The following MAN1A1 variants were observed in gnomAD, a reference collection of about 807,000 sequenced individuals.
The protein encoded by MAN1A1 is mannosyl-oligosaccharide 1,2-alpha-mannosidase IA.
A neutral mutation model predicts 70.8 loss-of-function variants in MAN1A1; 29 were observed. That is an observed-to-expected ratio of 0.41 (90% CI 0.31 to 0.56). The LOEUF is 0.56. Among genes scored for constraint, MAN1A1 ranks in the 20% least tolerant of loss-of-function variants. The pLI is 0.29. For synonymous variants in MAN1A1, 349 were observed against 330.1 expected (o/e 1.06, Z -0.62); for missense variants, 747 against 841.3 (o/e 0.89, Z 1.39).
intron 2 of MAN1A1, among the ~76,000 whole-genome samples, chr6:119,308,544 C>T (rs556832162): frequency 1.1e-4 from 16 of 152,178 alleles, no homozygotes; most frequent in Admixed American, 7.2e-4. Context: ...TTACAGGATG[C>T]ATGTAAGGAA....
chr6:119,268,853 T>C (rs538820444), intron 5 of MAN1A1, among the ~76,000 whole-genome samples: 58 of 152,276 alleles, frequency 3.8e-4, no homozygotes, highest in Admixed American at 3.6e-3. Context: ...AGTGCTCGGA[T>C]TACAGGTGTA....
chr6:119,347,482 G>A (rs1773761650), intron 2 of MAN1A1, among the ~76,000 whole-genome samples: 1 of 152,198 alleles, frequency 6.6e-6, no homozygotes, highest in Non-Finnish European at 1.5e-5. Flanking sequence ...GGTTCCTACA[G>A]CTTTTCTATG....
intron 2 of MAN1A1, among the ~76,000 whole-genome samples, chr6:119,332,875 G>C (rs527378725): frequency 6.4e-4 from 98 of 152,050 alleles, no homozygotes; most frequent in Middle Eastern, 3.4e-3. Context: ...TATCTAACTT[G>C]GGGACTTGGT....
rs960447131 is a variant in MAN1A1, at chr6:119,188,274, T to C, written c.1719+131A>G. 7 of 803,722 alleles carry C rather than the reference T, an allele frequency of 8.7e-6. No individual in the cohort carries two copies. The African/African-American group carries it at 1.0e-4, about 12-fold the overall frequency. The allele number at this position is 803,722 out of a possible 1,614,324, so 49.8% of individuals were successfully genotyped here. A position where few individuals can be genotyped will look rare whatever the true frequency, so the allele number is the denominator to read the frequency against. On this transcript the variant is annotated intron_variant, in intron 11 of 12. Transcript: ENST00000368468. ...AAATGACTTCAATGAAAATACACAG[T>C]CCTGGGTGGAAAAAATCCTGGTCGA...
chr6:119,185,697 C>T (rs998231457), intron 11 of MAN1A1, among the ~76,000 whole-genome samples: 6 of 152,030 alleles, frequency 3.9e-5, no homozygotes, highest in Non-Finnish European at 7.4e-5. Flanking sequence ...CTGCCTCAGC[C>T]TCCTGAGTAG....
At chr6:119,277,936 C>CAAAA (rs58837799) in intron 5 of MAN1A1, among the ~76,000 whole-genome samples, 4,301 of 23,030 alleles carry the variant, frequency 0.19, 597 homozygotes, top group East Asian at 0.29. Context: ...GACTCCATCT[C>CAAAA]AAAAAAAAAA....
intron 11 of MAN1A1, among the ~76,000 whole-genome samples, chr6:119,181,251 G>A (rs558402241): frequency 6.6e-6 from 1 of 152,288 alleles, no homozygotes; most frequent in Admixed American, 6.5e-5. Flanking sequence ...AGTTTGGAGA[G>A]ACTGCTAATG....
At chr6:119,281,336 T>C (rs562804225) in intron 5 of MAN1A1, among the ~76,000 whole-genome samples, 4 of 152,358 alleles carry the variant, frequency 2.6e-5, no homozygotes, top group Admixed American at 6.5e-5. Flanking sequence ...CTACACAGTC[T>C]AACCCAAGTC....
chr6:119,199,594 C>G (rs1465544192), intron 8 of MAN1A1, among the ~76,000 whole-genome samples: 1 of 151,820 alleles, frequency 6.6e-6, no homozygotes, highest in Non-Finnish European at 1.5e-5. Flanking sequence ...AACCAGTATC[C>G]TTTTTTAAAA....
At chr6:119,235,399 CAGA>C (rs369725067) in intron 6 of MAN1A1, among the ~76,000 whole-genome samples, 25 of 152,294 alleles carry the variant, frequency 1.6e-4, no homozygotes, top group African/African-American at 6.0e-4. Flanking sequence ...GTGGTGTGGA[CAGA>C]AGATCACACC....
intron 6 of MAN1A1, among the ~76,000 whole-genome samples, chr6:119,241,928 G>A (rs1175642591): frequency 6.8e-6 from 1 of 147,258 alleles, no homozygotes; most frequent in African/African-American, 2.6e-5. Context: ...GTGTGTTTGT[G>A]TATGTGTGTG....
At chr6:119,254,551 T>C (rs996844289) in intron 5 of MAN1A1, among the ~76,000 whole-genome samples, 3 of 152,230 alleles carry the variant, frequency 2.0e-5, no homozygotes, top group African/African-American at 7.2e-5. Flanking sequence ...TGGTGTTTGT[T>C]GGTACCTCTA....
chr6:119,336,731 T>C (rs1409841013), intron 2 of MAN1A1, among the ~76,000 whole-genome samples: 3 of 152,260 alleles, frequency 2.0e-5, no homozygotes, highest in Non-Finnish European at 2.9e-5. Flanking sequence ...ATAGCTAACC[T>C]ATGACTTTTC....
At chr6:119,183,616 C>T (rs1426346632) in intron 11 of MAN1A1, among the ~76,000 whole-genome samples, 2 of 152,092 alleles carry the variant, frequency 1.3e-5, no homozygotes, top group Non-Finnish European at 2.9e-5. Context: ...AATGAGAGGG[C>T]CAGCCATGAT....
Position 119,251,065 on chromosome 6 carries a change from G to C in MAN1A1, c.898-2711C>G, listed in dbSNP as rs560674674. ...ATGTCTTGTATGCAGTTCATTCTCT[G>C]ATAGGAGCATAGGCCATGTTCTCAT... is the stretch of plus-strand genomic sequence containing the variant. On this transcript the variant is annotated intron_variant, in intron 5 of 12. Transcript: ENST00000368468. Among the ~76,000 whole-genome samples, 9 of 152,174 alleles carry C rather than the reference G, an allele frequency of 5.9e-5. No individual in the cohort carries two copies. The South Asian group carries it at 1.9e-3, about 32-fold the overall frequency.
At chr6:119,195,985 T>G (rs1478118623) in intron 8 of MAN1A1, among the ~76,000 whole-genome samples, 3 of 152,168 alleles carry the variant, frequency 2.0e-5, no homozygotes, top group Non-Finnish European at 1.5e-5. Context: ...TCAACATGAT[T>G]GTAGGAGACA....
chr6:119,270,697 C>A (rs1221040383), intron 5 of MAN1A1, among the ~76,000 whole-genome samples: 1 of 152,146 alleles, frequency 6.6e-6, no homozygotes, highest in Non-Finnish European at 1.5e-5. Flanking sequence ...TGACAATAGC[C>A]CGCTTGTGTC....
At chr6:119,346,627 A>T (rs1423960703) in intron 2 of MAN1A1, among the ~76,000 whole-genome samples, 5 of 152,202 alleles carry the variant, frequency 3.3e-5, no homozygotes, top group African/African-American at 1.2e-4. Context: ...GGATATGCAC[A>T]CTGTTAATAT....
At chr6:119,259,038 T>C (rs779555840) in intron 5 of MAN1A1, among the ~76,000 whole-genome samples, 4 of 152,300 alleles carry the variant, frequency 2.6e-5, no homozygotes, top group Admixed American at 6.5e-5. Flanking sequence ...GGCTATAAGA[T>C]AGTGGTTTCC....
Sources: gnomAD v4.1 joint callset for allele counts (sites outside exome capture counted in the v4.1 genomes callset) on GRCh38, gnomAD v4.1.1 for gene constraint, MANE v1.5 for transcripts, NCBI Gene and HGNC (gene_info 2026-07-23, HGNC 2026-07-21) for gene names.